Variants in DLG2 observed in about 807,000 individuals in gnomAD.
DLG2 encodes the protein disks large homolog 2.
Under a neutral mutation model 132.5 loss-of-function variants are expected in DLG2, and 45 were observed. The ratio of observed to expected loss-of-function variants is 0.34; its 90% CI spans 0.27 to 0.44. The LOEUF (loss-of-function observed/expected upper bound fraction) is 0.44, where lower values mean the gene tolerates loss of function less well. Ranked by LOEUF, DLG2 falls within the 20% of genes least tolerant of loss-of-function variation. The probability of loss-of-function intolerance (pLI) is 1.00; values close to 1 mark genes in which losing one functional copy is unlikely to be tolerated. For missense variants in DLG2, 1,045 were observed against 1,196.9 expected (o/e 0.87, Z 1.87); for synonymous variants, 424 against 419.6 (o/e 1.01, Z -0.13).
intron 9 of DLG2, among the ~76,000 whole-genome samples, chr11:84,131,108 G>T (rs536592889): frequency 6.6e-6 from 1 of 151,896 alleles, no homozygotes; most frequent in African/African-American, 2.4e-5. Context: ...TCTAGAAAGG[G>T]ATTAGAGAAA....
chr11:85,134,001 G>C (rs185253008), intron 5 of DLG2, among the ~76,000 whole-genome samples: 178 of 152,130 alleles, frequency 1.2e-3, no homozygotes, highest in African/African-American at 4.1e-3. Flanking sequence ...GCTCAGAAAG[G>C]AGAGAGGGGG....
Position 83,874,503 on chromosome 11 carries a change from A to G in DLG2, c.1497-15T>C. 6.3e-7 allele frequency: 1 copy of G among 1,584,594 alleles called. No homozygotes were observed. The highest frequency in any genetic ancestry group is 8.6e-7 in the Non-Finnish European group (1 of 1,162,386). On this transcript the variant is annotated splice_polypyrimidine_tract_variant and intron_variant, in intron 15 of 27. Coordinates refer to ENST00000376104, the MANE Select transcript of DLG2 (RefSeq NM_001142699.3). ...GTTGGGAATGACTGCAAGAAAAGAC[A>G]GAAGAAACACACATCATTTATTTAT... is the stretch of plus-strand genomic sequence containing the variant.
Position 83,806,960 on chromosome 11 carries a change from A to G in DLG2, c.1723-20168T>C, listed in dbSNP as rs1190149360. On this transcript the variant is annotated intron_variant, in intron 17 of 27. Transcript: ENST00000376104. ...CACCTTGAAAGGCATAATTCTCTATACTGGAGCTGCCATCTTGAATGTGGA... is the reference window on the plus strand; with the variant it reads ...CACCTTGAAAGGCATAATTCTCTATGCTGGAGCTGCCATCTTGAATGTGGA... Among the ~76,000 whole-genome samples, 3 of 152,204 alleles carry G rather than the reference A, an allele frequency of 2.0e-5. No homozygotes were observed. In the East Asian group the frequency reaches 5.8e-4, roughly 29 times the overall value.
rs1340350036 is a variant in DLG2, at chr11:84,797,157, T to C, written c.358-262426A>G. ...CCACCATGCCCGGCCTATGATTTTT[T>C]ATTTATCCTTGACTTTTGGTAGTTT... is the stretch of plus-strand genomic sequence containing the variant. On this transcript the variant is annotated intron_variant, in intron 6 of 27. Transcript: ENST00000376104. Among the ~76,000 whole-genome samples, 6 of 152,296 alleles carry C rather than the reference T, an allele frequency of 3.9e-5. No individual in the cohort carries two copies. In the East Asian group the frequency reaches 1.2e-3, roughly 29 times the overall value.
chr11:85,199,003 TGGCAGTA>T (rs2081260111), intron 4 of DLG2, among the ~76,000 whole-genome samples: 1 of 152,192 alleles, frequency 6.6e-6, no homozygotes, highest in Non-Finnish European at 1.5e-5. Context: ...GAGAACTAGT[TGGCAGTA>T]CTATAAAGTT....
intron 4 of DLG2, among the ~76,000 whole-genome samples, chr11:85,213,852 G>A (rs1282455821): frequency 6.6e-6 from 1 of 152,150 alleles, no homozygotes; most frequent in South Asian, 2.1e-4. Flanking sequence ...AATGCACTAA[G>A]AGGACTTTAG....
chr11:84,311,496 T>C (rs1033269054), intron 7 of DLG2, among the ~76,000 whole-genome samples: 1 of 152,160 alleles, frequency 6.6e-6, no homozygotes, highest in East Asian at 1.9e-4. Flanking sequence ...AAATTCAAAT[T>C]TGAGATTGTC....
In DLG2 at chr11:84,168,819, A is replaced by C. The variant is rs895337296; in HGVS notation, c.574-5308T>G. Among the ~76,000 whole-genome samples, 21 of 97,392 alleles carry C rather than the reference A, an allele frequency of 2.2e-4. No homozygotes were observed. In the Admixed American group the frequency reaches 2.3e-3, roughly 11 times the overall value. The allele number at this position is 97,392 out of a possible 152,430, so 63.9% of individuals were successfully genotyped here. A position where few individuals can be genotyped will look rare whatever the true frequency, so the allele number is the denominator to read the frequency against. On this transcript the variant is annotated intron_variant, in intron 8 of 27. Transcript: ENST00000376104. ...AATGCCACAGCAAATCAACACACACACACACATACACACACACACACACAC... is the reference window on the plus strand; with the variant it reads ...AATGCCACAGCAAATCAACACACACCCACACATACACACACACACACACAC...
intron 16 of DLG2, among the ~76,000 whole-genome samples, chr11:83,843,142 C>T (rs2057968431): frequency 6.6e-6 from 1 of 152,200 alleles, no homozygotes; most frequent in Admixed American, 6.5e-5. Context: ...CCTACCTCTC[C>T]ACCACTTAAC....
At chr11:84,148,106 G>C (rs966380883) in intron 9 of DLG2, among the ~76,000 whole-genome samples, 5 of 152,088 alleles carry the variant, frequency 3.3e-5, no homozygotes, top group African/African-American at 1.2e-4. Context: ...TGAGTTCAAA[G>C]ACTGTGCTTC....
At chr11:83,903,689 T>C (rs2154101482) in intron 15 of DLG2, among the ~76,000 whole-genome samples, 1 of 152,302 alleles carries the variant, frequency 6.6e-6, no homozygotes, top group African/African-American at 2.4e-5. Flanking sequence ...ACAATGAGTG[T>C]AGTTGCTTTA....
chr11:83,850,160 G>GTGT (rs1452960432), intron 16 of DLG2, among the ~76,000 whole-genome samples: 6 of 124,304 alleles, frequency 4.8e-5, no homozygotes, highest in African/African-American at 1.8e-4. Flanking sequence ...GTGTGTGTGT[G>GTGT]TTTTTTTACT....
chr11:84,878,398 C>T (rs181656229), intron 6 of DLG2, among the ~76,000 whole-genome samples: 1 of 152,220 alleles, frequency 6.6e-6, no homozygotes, highest in African/African-American at 2.4e-5. Flanking sequence ...GAGTTAATGT[C>T]CTTTGCAGGG....
chr11:83,493,330 T>C (rs1196232348), intron 21 of DLG2, among the ~76,000 whole-genome samples: 2 of 143,112 alleles, frequency 1.4e-5, no homozygotes, highest in East Asian at 4.2e-4. Context: ...CTTTGTCTTT[T>C]CTTTCTTTCC....
At position 84,871,058 on chromosome 11, in the gene DLG2, G is replaced by T. The variant is rs2085393558; in HGVS notation, c.357+240603C>A. ...AGGAAACAGCCTTCGGAGGATAATG[G>T]CTGGGACATGTTCTGTTTCAGATAT... On this transcript the variant is annotated intron_variant, in intron 6 of 27. Transcript: ENST00000376104. Among the ~76,000 whole-genome samples, 5 of 152,290 alleles carry T rather than the reference G, an allele frequency of 3.3e-5. No individual in the cohort carries two copies. In the South Asian group the frequency reaches 1.0e-3, roughly 32 times the overall value.
intron 4 of DLG2, among the ~76,000 whole-genome samples, chr11:85,196,036 T>A (rs898008751): frequency 4.6e-5 from 7 of 152,234 alleles, no homozygotes; most frequent in Non-Finnish European, 7.3e-5. Flanking sequence ...TCTTTTGGAA[T>A]GAGAATTTTC....
intron 15 of DLG2, among the ~76,000 whole-genome samples, chr11:83,892,146 T>G (rs2070117095): frequency 6.6e-6 from 1 of 152,186 alleles, no homozygotes; most frequent in South Asian, 2.1e-4. Flanking sequence ...CAAGTAGTCA[T>G]TTGTTCACCT....
At chr11:84,658,282 A>G (rs2099690588) in intron 6 of DLG2, among the ~76,000 whole-genome samples, 1 of 152,174 alleles carries the variant, frequency 6.6e-6, no homozygotes, top group Non-Finnish European at 1.5e-5. Flanking sequence ...AACCTTGATC[A>G]GAATCCTTCT....
chr11:84,520,042 C>G (rs191028898), intron 7 of DLG2, among the ~76,000 whole-genome samples: 7 of 152,280 alleles, frequency 4.6e-5, no homozygotes, highest in African/African-American at 1.7e-4. Flanking sequence ...TGAATCATCT[C>G]TACAATATCT....
Sources: gnomAD v4.1 joint callset for allele counts (sites outside exome capture counted in the v4.1 genomes callset) on GRCh38, gnomAD v4.1.1 for gene constraint, MANE v1.5 for transcripts, NCBI Gene and HGNC (gene_info 2026-07-23, HGNC 2026-07-21) for gene names.